KCNC4: variants seen among roughly 807,000 people sequenced by gnomAD.
KCNC4 encodes the protein potassium voltage-gated channel subfamily C member 4.
A neutral mutation model predicts 42.8 loss-of-function variants in KCNC4; 23 were observed. The ratio of observed to expected loss-of-function variants is 0.54; its 90% CI spans 0.39 to 0.76. KCNC4 has a LOEUF of 0.76. KCNC4 is among the 30% of genes least tolerant of loss of function. The pLI is 0.00. For missense variants in KCNC4, 751 were observed against 898.2 expected (o/e 0.84, Z 2.10); for synonymous variants, 422 against 393.5 (o/e 1.07, Z -0.86).
At chr1:110,241,236 C>CTAGGTG (rs1659027075) in exon 4 of KCNC4, 11 of 152,344 alleles carry the variant, frequency 7.2e-5, no homozygotes, top group Admixed American at 7.2e-4. Flanking sequence ...AACTACTGTC[C>CTAGGTG]CCTTACATAC....
At chr1:110,255,102 G>C (rs1473781973) in intron 1 of KCNC4, among the ~76,000 whole-genome samples, 1 of 152,236 alleles carries the variant, frequency 6.6e-6, no homozygotes, top group Admixed American at 6.5e-5. Flanking sequence ...TCTGGTGAGA[G>C]CAGGGAACAT....
At chr1:110,270,507 A>G (rs1659617549) in intron 1 of KCNC4, among the ~76,000 whole-genome samples, 1 of 152,226 alleles carries the variant, frequency 6.6e-6, no homozygotes, top group African/African-American at 2.4e-5. Flanking sequence ...CCCTGTCCAC[A>G]TAGGCACTGC....
intron 1 of KCNC4, among the ~76,000 whole-genome samples, chr1:110,218,460 A>T (rs894920088): frequency 6.7e-6 from 1 of 150,048 alleles, no homozygotes; most frequent in Non-Finnish European, 1.5e-5. Context: ...ATTGGAAACA[A>T]CTCCCCTATC....
chr1:110,231,969 C>T (rs1358021893), intron 3 of KCNC4, among the ~76,000 whole-genome samples: 1 of 152,154 alleles, frequency 6.6e-6, no homozygotes, highest in Non-Finnish European at 1.5e-5. Context: ...AGGCCTAGCC[C>T]TAGACCTCAG....
chr1:110,244,540 C>G (rs1659102111), exon 4 of KCNC4: 1 of 152,332 alleles, frequency 6.6e-6, no homozygotes, highest in African/African-American at 2.4e-5. Flanking sequence ...TGGGCTGGTT[C>G]CTTCCCTGAT....
In KCNC4 at chr1:110,223,273, GGGCTGAGC is replaced by G; in HGVS notation, c.992_999del (p.Leu331ProfsTer47). 1 of 1,614,208 alleles carries G rather than the reference GGGCTGAGC, an allele frequency of 6.2e-7. No homozygotes were observed. ...CATCCTGCCCTTCTACCTGGAGGTGGGGCTGAGCGGCCTGTCATCCAAGGCGGCCCGCG... is the reference window on the plus strand; with the variant it reads ...CATCCTGCCCTTCTACCTGGAGGTGGGGCCTGTCATCCAAGGCGGCCCGCG... On this transcript the variant is annotated frameshift_variant, in exon 2 of 4. Coordinates refer to ENST00000438661, the MANE Select transcript of KCNC4 (RefSeq NM_001039574.3). LOFTEE classifies it high-confidence loss of function. The surrounding 1 kb of genome is among the most constrained non-coding windows in gnomAD (Gnocchi z 7.5).
In KCNC4 at chr1:110,221,312, A is replaced by G. The variant is rs143121796; in HGVS notation, c.679-1652A>G. 3.9e-5 allele frequency: 6 copies of G among 152,372 alleles called. No homozygotes were observed. The East Asian group carries it at 1.2e-3, about 29-fold the overall frequency. The allele number at this position is 152,372 out of a possible 1,614,324, so 9.4% of individuals were successfully genotyped here. Reference sequence around the variant, plus strand: ...GCTGTGTGACCTTAAGCAAGTATGTAACGTCTCTGATGTTCAGTTCATCCT... The same window carrying G: ...GCTGTGTGACCTTAAGCAAGTATGTGACGTCTCTGATGTTCAGTTCATCCT... On this transcript the variant is annotated intron_variant, in intron 1 of 3. Transcript: ENST00000438661.
chr1:110,268,071 T>C (rs1659573863), intron 1 of KCNC4, among the ~76,000 whole-genome samples: 1 of 152,166 alleles, frequency 6.6e-6, no homozygotes, highest in South Asian at 2.1e-4. Context: ...CAGCTATTCC[T>C]ATATAACATC....
chr1:110,273,838 T>A (rs10857818), intron 1 of KCNC4, among the ~76,000 whole-genome samples: 44,137 of 152,066 alleles, frequency 0.29, 6,847 homozygotes, highest in Admixed American at 0.43. Context: ...GTTCTCTGGA[T>A]GCCCTGAGTT....
chr1:110,266,604 G>A (rs1489502893), intron 1 of KCNC4, among the ~76,000 whole-genome samples: 5 of 152,270 alleles, frequency 3.3e-5, no homozygotes, highest in African/African-American at 9.6e-5. Context: ...AAGGTAAAAC[G>A]ACTTGCCCAA....
intron 3 of KCNC4, chr1:110,232,657 A>C: frequency 6.9e-7 from 1 of 1,451,104 alleles, no homozygotes; most frequent in Non-Finnish European, 9.0e-7. Context: ...AGAGGGGTGA[A>C]GGGTTCACCC....
At chr1:110,213,685 C>T (rs999293465) in intron 1 of KCNC4, among the ~76,000 whole-genome samples, 2 of 152,214 alleles carry the variant, frequency 1.3e-5, no homozygotes, top group African/African-American at 2.4e-5. Flanking sequence ...TTCCTTGCAG[C>T]CCTGAGACTG....
At chr1:110,216,648 G>A (rs1173976414) in intron 1 of KCNC4, among the ~76,000 whole-genome samples, 1 of 152,156 alleles carries the variant, frequency 6.6e-6, no homozygotes, top group East Asian at 1.9e-4. Flanking sequence ...CAGGCAGCTT[G>A]GCCTTGAGGG....
chr1:110,222,839 C>T (rs1331592405), intron 1 of KCNC4, 125 bp from the exon 2 acceptor site: 8 of 683,072 alleles, frequency 1.2e-5, no homozygotes, highest in East Asian at 2.7e-5. Flanking sequence ...TGACTCCATA[C>T]GTTAATCCCA....
downstream of KCNC4, chr1:110,235,996 C>T (rs575244200): frequency 6.6e-6 from 1 of 152,128 alleles, no homozygotes; most frequent in Admixed American, 6.5e-5. Flanking sequence ...TGTAAAGCCT[C>T]GCGCACAGTG....
At chr1:110,266,008 T>TA (rs1659534700) in intron 1 of KCNC4, among the ~76,000 whole-genome samples, 1 of 152,190 alleles carries the variant, frequency 6.6e-6, no homozygotes, top group Admixed American at 6.5e-5. Context: ...CCTTTTCACA[T>TA]AGAGAGCTAG....
At chr1:110,276,870 A>G (rs1163560003) in intron 1 of KCNC4, among the ~76,000 whole-genome samples, 1 of 152,184 alleles carries the variant, frequency 6.6e-6, no homozygotes, top group Non-Finnish European at 1.5e-5. Context: ...TGGACCTCCA[A>G]GGGGAAGACT....
intron 1 of KCNC4, among the ~76,000 whole-genome samples, chr1:110,268,028 T>C (rs931376855): frequency 6.6e-6 from 1 of 152,238 alleles, no homozygotes; most frequent in East Asian, 1.9e-4. Context: ...CCCCGAGTCA[T>C]GTAAGCAGGG....
chr1:110,280,500 A>G (rs749426222), intron 1 of KCNC4, among the ~76,000 whole-genome samples: 2 of 152,040 alleles, frequency 1.3e-5, no homozygotes, highest in African/African-American at 2.4e-5. Flanking sequence ...ACAGGTCCTC[A>G]GTCTACAACT....
Sources: gnomAD v4.1 joint callset for allele counts (sites outside exome capture counted in the v4.1 genomes callset) on GRCh38, gnomAD v4.1.1 for gene constraint, Gnocchi (gnomAD v3.1) non-coding constraint, MANE v1.5 for transcripts, NCBI Gene and HGNC (gene_info 2026-07-23, HGNC 2026-07-21) for gene names.